BMERB1: variants seen among roughly 807,000 people sequenced by gnomAD.
The protein encoded by BMERB1 is bMERB domain-containing protein 1.
BMERB1 carries 12 observed loss-of-function variants against 23.6 expected under a neutral mutation model. The observed-to-expected ratio is 0.51, with a 90% CI of 0.33 to 0.82. The LOEUF (loss-of-function observed/expected upper bound fraction) is 0.82, where lower values mean the gene tolerates loss of function less well. Among genes scored for constraint, BMERB1 ranks in the 40% least tolerant of loss-of-function variants. BMERB1 has a pLI of 0.03. For synonymous variants in BMERB1, 122 were observed against 96.6 expected, an observed-to-expected ratio of 1.26 and a Z score of -1.54; for missense variants, 247 against 255.4, an observed-to-expected ratio of 0.97 and a Z score of 0.22.
chr16:15,471,035 C>T (rs1043411877), intron 1 of BMERB1, among the ~76,000 whole-genome samples: 12 of 151,674 alleles, frequency 7.9e-5, no homozygotes, highest in Middle Eastern at 3.4e-3. Context: ...TGGGGTTTCA[C>T]GATGTTGCCC....
intron 1 of BMERB1, among the ~76,000 whole-genome samples, chr16:15,447,112 G>A (rs2050996685): frequency 6.6e-6 from 1 of 152,088 alleles, no homozygotes; most frequent in Non-Finnish European, 1.5e-5. Flanking sequence ...CTGTAAAATG[G>A]GGATAATAAC....
intron 1 of BMERB1, among the ~76,000 whole-genome samples, chr16:15,440,024 C>T (rs1052599977): frequency 2.6e-5 from 4 of 151,754 alleles, no homozygotes; most frequent in African/African-American, 9.7e-5. Context: ...GTGGGCGGAT[C>T]GCTTGAGGTC....
chr16:15,560,417 C>T (rs189042562), intron 2 of BMERB1, among the ~76,000 whole-genome samples: 1 of 152,324 alleles, frequency 6.6e-6, no homozygotes, highest in Admixed American at 6.5e-5. Context: ...TTTCATCTTC[C>T]TTCTTTGTAC....
intron 2 of BMERB1, among the ~76,000 whole-genome samples, chr16:15,521,466 C>T (rs1193666286): frequency 6.6e-6 from 1 of 152,188 alleles, no homozygotes; most frequent in Non-Finnish European, 1.5e-5. Flanking sequence ...CTCACATAAC[C>T]CACATCAAAT....
rs145880713 is a variant in BMERB1 at position 15,555,152 on chromosome 16, C to G, written c.231-12831C>G. ...TACAGTGGTGTGATCATGGCTCACC[C>G]AGGAGCTCAACCTCCTGGGCTGAAG... is the stretch of plus-strand genomic sequence containing the variant. On this transcript the variant is annotated intron_variant, in intron 2 of 5. Coordinates refer to ENST00000300006, the MANE Select transcript of BMERB1 (RefSeq NM_033201.3). Among the ~76,000 whole-genome samples the G allele has an allele frequency of 4.9e-3, 751 of 152,136 alleles. 11 individuals carry two copies. The highest frequency in any genetic ancestry group is 0.017 in the African/African-American group (702 of 41,528).
chr16:15,581,745 C>G (rs2031019532), intron 4 of BMERB1, among the ~76,000 whole-genome samples: 1 of 152,184 alleles, frequency 6.6e-6, no homozygotes, highest in South Asian at 2.1e-4. Flanking sequence ...CTTTCCCTTC[C>G]CCTTAGTGGC....
At chr16:15,492,130 G>C (rs1235138562) in intron 1 of BMERB1, among the ~76,000 whole-genome samples, 2 of 152,182 alleles carry the variant, frequency 1.3e-5, no homozygotes, top group African/African-American at 4.8e-5. Context: ...ATTCCAGAGA[G>C]AGTAAAAATC....
At chr16:15,461,124 CAAA>C (rs35746898) in intron 1 of BMERB1, among the ~76,000 whole-genome samples, 6 of 131,288 alleles carry the variant, frequency 4.6e-5, no homozygotes, top group Non-Finnish European at 3.3e-5. Context: ...GACTCTGTCT[CAAA>C]AAAAAAAAAA....
At chr16:15,457,247 A>G (rs2051094175) in intron 1 of BMERB1, among the ~76,000 whole-genome samples, 1 of 152,198 alleles carries the variant, frequency 6.6e-6, no homozygotes, top group South Asian at 2.1e-4. Flanking sequence ...ACTAAATTAA[A>G]ACTAATTAAC....
Position 15,586,985 on chromosome 16 carries a change from T to C in BMERB1, c.*156T>C. On this transcript the variant is annotated 3_prime_UTR_variant, in exon 6 of 6. Transcript: ENST00000300006. ...AGGCCATGGGCACGGCAGGCGGGCC[T>C]GGCCACCCTGTACAGAGTGTAGCAG... The C allele has an allele frequency of 1.6e-6, 1 of 607,226 alleles. No homozygotes were observed. Among genetic ancestry groups the C allele is most frequent in the South Asian group, 2.0e-5 (1 of 50,678 alleles). The allele number at this position is 607,226 out of a possible 1,614,324, so 37.6% of individuals were successfully genotyped here.
In BMERB1 at chr16:15,586,947, T is replaced by C. The variant is rs1162177951; in HGVS notation, c.*118T>C. ...GCAGAAGGGGTTGAAGGCAAGCCCGTGACTGTCACCAGAGGCCATGGGCAC... is the reference window on the plus strand; with the variant it reads ...GCAGAAGGGGTTGAAGGCAAGCCCGCGACTGTCACCAGAGGCCATGGGCAC... On this transcript the variant is annotated 3_prime_UTR_variant, in exon 6 of 6. Transcript: ENST00000300006. The C allele has an allele frequency of 1.8e-5, 13 of 705,054 alleles. No individual in the cohort carries two copies. The Admixed American group carries it at 3.4e-4, about 19-fold the overall frequency. The allele number at this position is 705,054 out of a possible 1,614,324, so 43.7% of individuals were successfully genotyped here.
chr16:15,548,638 G>T (rs1452836173), intron 2 of BMERB1, among the ~76,000 whole-genome samples: 1 of 152,156 alleles, frequency 6.6e-6, no homozygotes, highest in Non-Finnish European at 1.5e-5. Flanking sequence ...TCTAGTCCTA[G>T]CCTGCCCTAC....
chr16:15,472,098 T>G (rs1308816388), intron 1 of BMERB1, among the ~76,000 whole-genome samples: 1 of 152,248 alleles, frequency 6.6e-6, no homozygotes, highest in East Asian at 1.9e-4. Context: ...ATTTCTGGTT[T>G]TGTTCCATTA....
At chr16:15,478,408 A>G (rs1050744335) in intron 1 of BMERB1, among the ~76,000 whole-genome samples, 1 of 151,884 alleles carries the variant, frequency 6.6e-6, no homozygotes, top group Non-Finnish European at 1.5e-5. Context: ...TGATCCTCCC[A>G]CCTCAGCCTC....
chr16:15,448,582 T>C (rs2051011515), intron 1 of BMERB1, among the ~76,000 whole-genome samples: 1 of 152,138 alleles, frequency 6.6e-6, no homozygotes, highest in Non-Finnish European at 1.5e-5. Flanking sequence ...TCACTTGAGT[T>C]CAGGGGTTCA....
chr16:15,470,365 A>T (rs2051218196), intron 1 of BMERB1, among the ~76,000 whole-genome samples: 1 of 151,848 alleles, frequency 6.6e-6, no homozygotes, highest in African/African-American at 2.4e-5. Flanking sequence ...ATTGGGTTTG[A>T]TTTGCTAGTA....
At chr16:15,437,389 A>G (rs1007514681) in intron 1 of BMERB1, among the ~76,000 whole-genome samples, 1 of 152,186 alleles carries the variant, frequency 6.6e-6, no homozygotes, top group Non-Finnish European at 1.5e-5. Flanking sequence ...AAATAAGATG[A>G]TACATATAGT....
In BMERB1 at chr16:15,435,275, G is replaced by A. The variant is rs149217245; in HGVS notation, c.106+516G>A. Among the ~76,000 whole-genome samples the A allele has an allele frequency of 3.5e-3, 537 of 152,316 alleles. 4 individuals carry two copies. Among genetic ancestry groups the A allele is most frequent in the African/African-American group, 0.012 (508 of 41,576 alleles). ...TCCTCCCTCGCCTTCCTTGGGTCGG[G>A]GTGGGAGGCTTGGGGCGGCAAAAGG... On this transcript the variant is annotated intron_variant, in intron 1 of 5. Coordinates refer to ENST00000300006, the MANE Select transcript of BMERB1 (RefSeq NM_033201.3).
At chr16:15,564,917 G>C (rs1390787012) in intron 2 of BMERB1, among the ~76,000 whole-genome samples, 1 of 152,086 alleles carries the variant, frequency 6.6e-6, no homozygotes, top group African/African-American at 2.4e-5. Context: ...TCAATCTTCA[G>C]TTTGCTTTAC....
Sources: gnomAD v4.1 joint callset for allele counts (sites outside exome capture counted in the v4.1 genomes callset) on GRCh38, gnomAD v4.1.1 for gene constraint, MANE v1.5 for transcripts, NCBI Gene and HGNC (gene_info 2026-07-23, HGNC 2026-07-21) for gene names.